The following GABRG3 variants were observed in gnomAD, a reference collection of about 807,000 sequenced individuals.
The protein encoded by GABRG3 is gamma-aminobutyric acid type A receptor subunit gamma3.
In GABRG3, 25 loss-of-function variants were observed where a neutral mutation model predicts 48.8. That is an observed-to-expected ratio of 0.51 (90% CI 0.37 to 0.72). The LOEUF is 0.72. Among genes scored for constraint, GABRG3 ranks in the 30% least tolerant of loss-of-function variants. The pLI is 0.00. For missense variants in GABRG3, 394 were observed against 577.9 expected, an observed-to-expected ratio of 0.68 and a Z score of 3.26; for synonymous variants, 227 against 217.6, an observed-to-expected ratio of 1.04 and a Z score of -0.38.
chr15:27,340,531 T>C (rs1894135431), intron 5 of GABRG3: 1 of 153,784 alleles, frequency 6.5e-6, no homozygotes, highest in African/African-American at 2.4e-5. Context: ...TACAAACAAC[T>C]TGAAGGAGCC....
intron 7 of GABRG3, among the ~76,000 whole-genome samples, chr15:27,522,663 G>A (rs1489155102): frequency 6.6e-6 from 1 of 150,858 alleles, no homozygotes; most frequent in African/African-American, 2.4e-5. Flanking sequence ...TGTTAAAAAT[G>A]TATGAAAATA....
Position 27,501,041 on chromosome 15 carries a change from T to A in GABRG3, c.713-18931T>A, listed in dbSNP as rs373413742. ...ATCTCGGCTCACTGCAAGCTCCGCC[T>A]CCCGGGTTCACACCATTCTCCTGCC... On this transcript the variant is annotated intron_variant, in intron 6 of 9. Transcript: ENST00000615808. Among the ~76,000 whole-genome samples the A allele has an allele frequency of 3.6e-4, 52 of 144,144 alleles. 1 individual carries two copies. Among genetic ancestry groups the A allele is most frequent in the East Asian group, 1.5e-3 (7 of 4,694 alleles). 94.6% of individuals were successfully genotyped at this position (144,144 alleles called of 152,430 possible). A position where few individuals can be genotyped will look rare whatever the true frequency, so the allele number is the denominator to read the frequency against.
At chr15:27,107,983 G>T (rs1318068528) in intron 3 of GABRG3, among the ~76,000 whole-genome samples, 2 of 151,298 alleles carry the variant, frequency 1.3e-5, no homozygotes, top group Non-Finnish European at 2.9e-5. Flanking sequence ...CTTGCAAGAA[G>T]TTCATTAATT....
At chr15:27,270,500 T>C (rs1260232087) in intron 3 of GABRG3, among the ~76,000 whole-genome samples, 6 of 152,174 alleles carry the variant, frequency 3.9e-5, no homozygotes, top group Non-Finnish European at 8.8e-5. Flanking sequence ...GAAATATTAA[T>C]ACTGCCTGAT....
chr15:27,173,259 C>A (rs980663882), intron 3 of GABRG3, among the ~76,000 whole-genome samples: 1 of 152,112 alleles, frequency 6.6e-6, no homozygotes, highest in African/African-American at 2.4e-5. Flanking sequence ...TGGATGTGAT[C>A]TACTTTATAG....
At position 27,096,402 on chromosome 15, in the gene GABRG3, A is replaced by G. The variant is rs866670619; in HGVS notation, c.270+69581A>G. On this transcript the variant is annotated intron_variant, in intron 3 of 9. Coordinates refer to ENST00000615808, the MANE Select transcript of GABRG3 (RefSeq NM_033223.5). Reference sequence around the variant, plus strand: ...TATTTTGCAGATCAGAAAAAATTGTATCTTTCAGCAGAGAGATGATTAGTT... The same window carrying G: ...TATTTTGCAGATCAGAAAAAATTGTGTCTTTCAGCAGAGAGATGATTAGTT... 3.9e-5 allele frequency among the ~76,000 whole-genome samples: 6 copies of G among 152,326 alleles called. 1 individual carries two copies. In the Middle Eastern group the frequency reaches 0.017, roughly 432 times the overall value.
intron 3 of GABRG3, among the ~76,000 whole-genome samples, chr15:27,109,091 T>C (rs1897500217): frequency 6.6e-6 from 1 of 152,228 alleles, no homozygotes; most frequent in Non-Finnish European, 1.5e-5. Context: ...ATTCCTCCGA[T>C]GTTACACATT....
At chr15:27,187,408 T>C (rs1397255630) in intron 3 of GABRG3, among the ~76,000 whole-genome samples, 1 of 152,198 alleles carries the variant, frequency 6.6e-6, no homozygotes, top group African/African-American at 2.4e-5. Context: ...TGATTCCATA[T>C]GAATTTTAGA....
chr15:27,480,554 C>G, intron 5 of GABRG3, 96 bp from the exon 6 acceptor site: 1 of 1,203,634 alleles, frequency 8.3e-7, no homozygotes, highest in African/African-American at 1.5e-5. Context: ...AGTTTAACTC[C>G]TAACTCCTGT....
chr15:27,021,283 A>G (rs553204743), intron 2 of GABRG3, among the ~76,000 whole-genome samples: 1 of 152,278 alleles, frequency 6.6e-6, no homozygotes, highest in African/African-American at 2.4e-5. Context: ...ATAACTTTAC[A>G]ACTGCAATTT....
intron 5 of GABRG3, chr15:27,418,807 C>T (rs1888020455): frequency 6.6e-6 from 1 of 152,156 alleles, no homozygotes; most frequent in Non-Finnish European, 1.5e-5. Flanking sequence ...AATCTTTAAA[C>T]CAGATTTTAT....
chr15:27,073,884 C>T (rs1004992838), intron 3 of GABRG3, among the ~76,000 whole-genome samples: 1 of 152,180 alleles, frequency 6.6e-6, no homozygotes, highest in Non-Finnish European at 1.5e-5. Flanking sequence ...TTCCTCACAT[C>T]AACAGATGGC....
intron 5 of GABRG3, among the ~76,000 whole-genome samples, chr15:27,384,771 G>A (rs1895873865): frequency 6.6e-6 from 1 of 152,110 alleles, no homozygotes; most frequent in Admixed American, 6.6e-5. Flanking sequence ...CTCATAATAT[G>A]TATCAAAGTC....
At chr15:27,332,985 A>G (rs540796294) in intron 5 of GABRG3, among the ~76,000 whole-genome samples, 1 of 152,348 alleles carries the variant, frequency 6.6e-6, no homozygotes, top group Admixed American at 6.5e-5. Flanking sequence ...AATTCCTAAA[A>G]TGTAGTTTAA....
intron 3 of GABRG3, among the ~76,000 whole-genome samples, chr15:27,046,305 T>C (rs1457909634): frequency 6.6e-6 from 1 of 151,878 alleles, no homozygotes; most frequent in Non-Finnish European, 1.5e-5. Context: ...GGTTTCTCCA[T>C]GTTTGTCAGG....
At chr15:27,293,891 T>C (rs985229573) in intron 3 of GABRG3, among the ~76,000 whole-genome samples, 1 of 152,190 alleles carries the variant, frequency 6.6e-6, no homozygotes, top group African/African-American at 2.4e-5. Context: ...TCCAGGGAGC[T>C]ACATTCTCAA....
At chr15:27,441,732 TTTC>T in intron 5 of GABRG3, among the ~76,000 whole-genome samples, 1 of 152,224 alleles carries the variant, frequency 6.6e-6, no homozygotes, top group African/African-American at 2.4e-5. Flanking sequence ...TCCCCTGTGC[TTTC>T]TTCTCTGCGC....
chr15:27,304,442 AG>A (rs1236877421), intron 3 of GABRG3, among the ~76,000 whole-genome samples: 1 of 151,934 alleles, frequency 6.6e-6, no homozygotes, highest in African/African-American at 2.4e-5. Context: ...ATAGTTGTGA[AG>A]GTCATAAGTT....
At chr15:27,199,628 C>A (rs985960889) in intron 3 of GABRG3, among the ~76,000 whole-genome samples, 5 of 152,112 alleles carry the variant, frequency 3.3e-5, no homozygotes. Flanking sequence ...TGGCATCTCT[C>A]TTGCTCCCTC....
Sources: gnomAD v4.1 joint callset for allele counts (sites outside exome capture counted in the v4.1 genomes callset) on GRCh38, gnomAD v4.1.1 for gene constraint, MANE v1.5 for transcripts, NCBI Gene and HGNC (gene_info 2026-07-23, HGNC 2026-07-21) for gene names.